Variants in IMPG1 observed in about 807,000 individuals in gnomAD.
The protein encoded by IMPG1 is interphotoreceptor matrix proteoglycan 1, also known as interphotoreceptor matrix proteoglycan of 150 kDa.
In IMPG1, 85 loss-of-function variants were observed where a neutral mutation model predicts 92.0. The observed-to-expected ratio is 0.92, with a 90% CI of 0.78 to 1.11. IMPG1 has a LOEUF of 1.11. IMPG1 is among the 50% of genes least tolerant of loss of function. The pLI is 0.00. For synonymous variants in IMPG1, 367 were observed against 334.1 expected (o/e 1.10, Z -1.08); for missense variants, 1,022 against 956.0 (o/e 1.07, Z -0.91).
At chr6:76,051,504 A>G (rs576963078) in intron 1 of IMPG1, among the ~76,000 whole-genome samples, 27 of 152,310 alleles carry the variant, frequency 1.8e-4, no homozygotes, top group African/African-American at 5.5e-4. Flanking sequence ...TGCCAGCCCC[A>G]ATCTGTGGCC....
intron 1 of IMPG1, among the ~76,000 whole-genome samples, chr6:76,066,846 A>G (rs1421953622): frequency 1.3e-5 from 2 of 152,180 alleles, no homozygotes; most frequent in Admixed American, 1.3e-4. Flanking sequence ...AATTATATCA[A>G]GTATCTTCTC....
At chr6:76,025,659 T>C (rs1263895888) in intron 4 of IMPG1, among the ~76,000 whole-genome samples, 3 of 152,212 alleles carry the variant, frequency 2.0e-5, no homozygotes, top group Non-Finnish European at 4.4e-5. Context: ...CCCTCAAGCC[T>C]GCATATCCAG....
chr6:75,925,160 T>C (rs1021937435), intron 15 of IMPG1, among the ~76,000 whole-genome samples: 2 of 152,070 alleles, frequency 1.3e-5, no homozygotes, highest in African/African-American at 4.8e-5. Flanking sequence ...ATGATGGGAA[T>C]GCTAATTACC....
chr6:76,006,588 G>T (rs1376610888), intron 9 of IMPG1, among the ~76,000 whole-genome samples: 2 of 150,066 alleles, frequency 1.3e-5, no homozygotes, highest in African/African-American at 2.4e-5. Context: ...CAAGTCAAAG[G>T]TTCAGTTCTT....
intron 12 of IMPG1, among the ~76,000 whole-genome samples, chr6:75,960,331 G>A (rs915381747): frequency 6.6e-6 from 1 of 151,980 alleles, no homozygotes; most frequent in African/African-American, 2.4e-5. Flanking sequence ...CTTGCCAGCC[G>A]AAAAAAAGAT....
intron 14 of IMPG1, among the ~76,000 whole-genome samples, chr6:75,938,810 TCAAAACAAAACAAAA>T (rs71002780): frequency 3.4e-5 from 5 of 146,986 alleles, no homozygotes; most frequent in African/African-American, 1.0e-4. Flanking sequence ...AGGCTCCATC[TCAAAACAAAACAAAA>T]CAAAACAAAA....
intron 4 of IMPG1, among the ~76,000 whole-genome samples, chr6:76,028,388 A>G (rs1437631162): frequency 1.3e-5 from 2 of 152,374 alleles, no homozygotes; most frequent in Non-Finnish European, 2.9e-5. Context: ...AGGAGCTGAA[A>G]TGCTCACGAA....
rs143439530 is a variant in IMPG1 at position 76,048,381 on chromosome 6, C to T, written c.68-6255G>A. Among the ~76,000 whole-genome samples the T allele has an allele frequency of 7.1e-3, 1,087 of 152,294 alleles. 9 individuals carry two copies. Among genetic ancestry groups the T allele is most frequent in the African/African-American group, 0.025 (1,024 of 41,574 alleles). On this transcript the variant is annotated intron_variant, in intron 1 of 16. Transcript: ENST00000369950. ...TCTCTTAGCTGATGAGTTTGCTTCA[C>T]ATTTTACTGAAAACAAGAGGAGCCA...
intron 2 of IMPG1, among the ~76,000 whole-genome samples, chr6:76,039,166 T>G (rs976616877): frequency 6.6e-6 from 1 of 152,194 alleles, no homozygotes; most frequent in Non-Finnish European, 1.5e-5. Context: ...GAATTTTACC[T>G]GGGGAACTTG....
At chr6:75,922,201 G>T in intron 16 of IMPG1, 35 bp from the exon 17 acceptor site, 3 of 883,572 alleles carry the variant, frequency 3.4e-6, no homozygotes, top group East Asian at 2.6e-5. Context: ...CTTAAGAAAT[G>T]CCACCCAAGG....
At chr6:76,015,433 G>A (rs1298538758) in intron 7 of IMPG1, among the ~76,000 whole-genome samples, 1 of 152,150 alleles carries the variant, frequency 6.6e-6, no homozygotes, top group Non-Finnish European at 1.5e-5. Context: ...CAGCACTGAC[G>A]CCAGGGGTCT....
At chr6:76,056,100 A>G (rs1239761846) in intron 1 of IMPG1, among the ~76,000 whole-genome samples, 1 of 152,088 alleles carries the variant, frequency 6.6e-6, no homozygotes, top group Admixed American at 6.6e-5. Context: ...AAATAGTAGC[A>G]TATAGAATCC....
intron 12 of IMPG1, among the ~76,000 whole-genome samples, chr6:75,957,643 C>G (rs1029557697): frequency 2.0e-5 from 3 of 152,188 alleles, no homozygotes; most frequent in Admixed American, 2.0e-4. Context: ...TTGCATTGAT[C>G]TCTTTGCCAT....
rs930388322 is a variant in IMPG1 at position 76,042,699 on chromosome 6, C to T, written c.68-573G>A. Among the ~76,000 whole-genome samples the T allele has an allele frequency of 5.9e-5, 9 of 152,136 alleles. No homozygotes were observed. In the South Asian group the frequency reaches 1.0e-3, roughly 18 times the overall value. ...GTTGCATTTATAGTACAAGCTTTGC[C>T]GTTTCATGAAGGATGGTGAGAGGAA... On this transcript the variant is annotated intron_variant, in intron 1 of 16. Transcript: ENST00000369950.
At chr6:75,930,039 C>G (rs1328370490) in intron 15 of IMPG1, among the ~76,000 whole-genome samples, 4 of 152,148 alleles carry the variant, frequency 2.6e-5, no homozygotes, top group African/African-American at 9.7e-5. Context: ...CATCCTTTGT[C>G]TGTAATATAG....
At chr6:76,061,163 G>A (rs1322548050) in intron 1 of IMPG1, among the ~76,000 whole-genome samples, 3 of 152,074 alleles carry the variant, frequency 2.0e-5, no homozygotes, top group Non-Finnish European at 4.4e-5. Context: ...AGCCTAAAGG[G>A]GCCACAAGGC....
chr6:76,072,346 G>T (rs1343857604), intron 1 of IMPG1, 76 bp downstream of exon 1: 7 of 780,294 alleles, frequency 9.0e-6, no homozygotes, highest in Admixed American at 2.5e-5. Context: ...TGGTAGCCTT[G>T]TTGGTTCTAA....
intron 6 of IMPG1, among the ~76,000 whole-genome samples, chr6:76,019,403 G>A (rs549562697): frequency 5.5e-4 from 84 of 152,256 alleles, no homozygotes; most frequent in African/African-American, 1.3e-3. Flanking sequence ...TTATCTCTGC[G>A]GAAAATTGAA....
chr6:76,002,199 A>G (rs973390046), intron 12 of IMPG1, among the ~76,000 whole-genome samples: 2 of 152,172 alleles, frequency 1.3e-5, no homozygotes, highest in African/African-American at 2.4e-5. Flanking sequence ...TGGAAAGAAT[A>G]GGGGTTCTTG....
Sources: allele counts gnomAD v4.1 joint callset (sites outside exome capture counted in the v4.1 genomes callset), GRCh38; gene constraint gnomAD v4.1.1; transcripts MANE v1.5; gene names NCBI Gene and HGNC (gene_info 2026-07-23, HGNC 2026-07-21).